The following SPOCK1 variants were observed in gnomAD, a reference collection of about 807,000 sequenced individuals.
SPOCK1 encodes the protein testican-1.
SPOCK1 carries 23 observed loss-of-function variants against 55.3 expected under a neutral mutation model. The observed-to-expected ratio is 0.42, with a 90% CI of 0.30 to 0.59. The LOEUF (loss-of-function observed/expected upper bound fraction) is 0.59, where lower values mean the gene tolerates loss of function less well. Ranked by LOEUF, SPOCK1 falls within the 20% of genes least tolerant of loss-of-function variation. SPOCK1 has a pLI of 0.22. For missense variants in SPOCK1, 499 were observed against 552.5 expected (o/e 0.90, Z 0.97); for synonymous variants, 226 against 221.0 (o/e 1.02, Z -0.20).
intron 6 of SPOCK1, among the ~76,000 whole-genome samples, chr5:137,052,050 C>T (rs368105966): frequency 1.4e-3 from 209 of 152,266 alleles, no homozygotes; most frequent in African/African-American, 4.7e-3. Context: ...GAGGTCTGCT[C>T]AAAAGAAAGG....
chr5:137,274,698 G>C (rs935055255), intron 2 of SPOCK1, among the ~76,000 whole-genome samples: 1 of 152,118 alleles, frequency 6.6e-6, no homozygotes, highest in Non-Finnish European at 1.5e-5. Flanking sequence ...CAAGTGAAGG[G>C]AGACCAATTG....
intron 2 of SPOCK1, among the ~76,000 whole-genome samples, chr5:137,341,489 A>C (rs556693350): frequency 3.5e-4 from 54 of 152,374 alleles, no homozygotes; most frequent in African/African-American, 1.1e-3. Context: ...GCAAAAAATA[A>C]AAGCAAAATG....
intron 3 of SPOCK1, among the ~76,000 whole-genome samples, chr5:137,171,223 G>A (rs181245134): frequency 6.6e-6 from 1 of 152,170 alleles, no homozygotes; most frequent in East Asian, 1.9e-4. Context: ...CTGAACTCAC[G>A]CTCTTGTCTT....
At chr5:137,008,303 C>CACACACAT (rs1314183875) in intron 6 of SPOCK1, among the ~76,000 whole-genome samples, 2 of 149,404 alleles carry the variant, frequency 1.3e-5, no homozygotes, top group Non-Finnish European at 3.0e-5. Flanking sequence ...AATACACACA[C>CACACACAT]ACACACACAC....
chr5:137,391,836 A>C (rs1751730717), intron 2 of SPOCK1, among the ~76,000 whole-genome samples: 1 of 152,194 alleles, frequency 6.6e-6, no homozygotes, highest in South Asian at 2.1e-4. Flanking sequence ...CTTCTCCCCT[A>C]GCCCTGCTGC....
intron 2 of SPOCK1, among the ~76,000 whole-genome samples, chr5:137,494,125 G>A (rs1454252894): frequency 6.6e-6 from 1 of 152,194 alleles, no homozygotes; most frequent in Non-Finnish European, 1.5e-5. Context: ...AGGGTTTCAT[G>A]TGTGCAAAAG....
chr5:137,027,169 G>C (rs1331496626), intron 6 of SPOCK1, among the ~76,000 whole-genome samples: 2 of 152,166 alleles, frequency 1.3e-5, no homozygotes, highest in Non-Finnish European at 2.9e-5. Context: ...GAGAGACTGA[G>C]AGTTCTGGGA....
chr5:137,057,581 C>T (rs1752324105), intron 6 of SPOCK1, among the ~76,000 whole-genome samples: 1 of 152,144 alleles, frequency 6.6e-6, no homozygotes, highest in Admixed American at 6.5e-5. Flanking sequence ...TGTAACTCTA[C>T]TTTTATAGCT....
chr5:137,277,459 A>C (rs2127123145), intron 2 of SPOCK1, among the ~76,000 whole-genome samples: 1 of 152,288 alleles, frequency 6.6e-6, no homozygotes, highest in Middle Eastern at 3.4e-3. Context: ...TCATGCTGTA[A>C]CCACTACATA....
intron 3 of SPOCK1, among the ~76,000 whole-genome samples, chr5:137,155,312 C>A (rs960357628): frequency 6.6e-6 from 1 of 152,194 alleles, no homozygotes; most frequent in African/African-American, 2.4e-5. Flanking sequence ...GCCCTTGGTG[C>A]CAGAATGGCC....
At chr5:137,430,167 C>T (rs182385774) in intron 2 of SPOCK1, among the ~76,000 whole-genome samples, 4 of 152,218 alleles carry the variant, frequency 2.6e-5, no homozygotes, top group African/African-American at 9.6e-5. Flanking sequence ...GCACACAGAG[C>T]CACATGGCAG....
At chr5:137,420,710 G>C (rs1002058072) in intron 2 of SPOCK1, among the ~76,000 whole-genome samples, 6 of 152,110 alleles carry the variant, frequency 3.9e-5, no homozygotes, top group Non-Finnish European at 8.8e-5. Context: ...AGTCTTGCTA[G>C]TGGTCTATCA....
At chr5:137,410,180 C>T (rs1752180072) in intron 2 of SPOCK1, among the ~76,000 whole-genome samples, 1 of 152,200 alleles carries the variant, frequency 6.6e-6, no homozygotes. Flanking sequence ...TATCATGCTC[C>T]TGATATTCGG....
chr5:137,368,483 T>C (rs551131586), intron 2 of SPOCK1, among the ~76,000 whole-genome samples: 58 of 152,228 alleles, frequency 3.8e-4, no homozygotes, highest in African/African-American at 1.4e-3. Context: ...TGGGAGAGGC[T>C]GATCCAGGTA....
intron 2 of SPOCK1, among the ~76,000 whole-genome samples, chr5:137,409,709 T>C (rs1446388840): frequency 6.6e-6 from 1 of 152,190 alleles, no homozygotes; most frequent in African/African-American, 2.4e-5. Flanking sequence ...CCCACAATGA[T>C]TGGGTTGAGA....
chr5:137,353,939 T>C (rs1750735574), intron 2 of SPOCK1, among the ~76,000 whole-genome samples: 1 of 152,142 alleles, frequency 6.6e-6, no homozygotes, highest in South Asian at 2.1e-4. Flanking sequence ...ATGACAAAGC[T>C]AAACACCACA....
At chr5:137,096,394 T>C (rs901596412) in intron 5 of SPOCK1, among the ~76,000 whole-genome samples, 2 of 151,770 alleles carry the variant, frequency 1.3e-5, no homozygotes, top group African/African-American at 4.8e-5. Context: ...GCAGCACCAA[T>C]GGGGTCAGTT....
At chr5:136,986,552 T>G (rs1002857780) in intron 8 of SPOCK1, among the ~76,000 whole-genome samples, 2 of 151,856 alleles carry the variant, frequency 1.3e-5, no homozygotes, top group East Asian at 3.9e-4. Context: ...AAGAGAAAAA[T>G]TATCACTATT....
intron 3 of SPOCK1, among the ~76,000 whole-genome samples, chr5:137,221,163 G>T (rs1008431591): frequency 7.2e-5 from 11 of 152,192 alleles, no homozygotes; most frequent in African/African-American, 2.7e-4. Context: ...ATAGCCTGTT[G>T]CCTTGGAAAT....
Sources: allele counts gnomAD v4.1 joint callset (sites outside exome capture counted in the v4.1 genomes callset), GRCh38; gene constraint gnomAD v4.1.1; transcripts MANE v1.5; gene names NCBI Gene and HGNC (gene_info 2026-07-23, HGNC 2026-07-21).